Variants in C6orf141 observed in about 807,000 individuals in gnomAD.
The protein encoded by C6orf141 is chromosome 6 open reading frame 141.
For synonymous variants in C6orf141, 164 were observed against 140.5 expected, an observed-to-expected ratio of 1.17 and a Z score of -1.18; for missense variants, 361 against 335.8, an observed-to-expected ratio of 1.07 and a Z score of -0.59.
chr6:49,552,462 T>C (rs1335724796), downstream of C6orf141: 5 of 152,204 alleles, frequency 3.3e-5, no homozygotes, highest in African/African-American at 1.2e-4. Flanking sequence ...ATTAACTCTT[T>C]AGTAGTTGGC....
intron 4 of C6orf141, among the ~76,000 whole-genome samples, chr6:49,559,171 T>TG: frequency 6.2e-3 from 1 of 162 alleles, no homozygotes; most frequent in South Asian, 0.12. Flanking sequence ...TGTCCATATA[T>TG]ATATATATAT....
chr6:49,558,224 A>C (rs1292993705), intron 4 of C6orf141, among the ~76,000 whole-genome samples: 1 of 151,888 alleles, frequency 6.6e-6, no homozygotes, highest in Non-Finnish European at 1.5e-5. Flanking sequence ...AGTCTTGAAT[A>C]AAGTTTTCCT....
chr6:49,551,171 G>A lies in C6orf141; in HGVS notation c.379G>A (p.Glu127Lys), dbSNP rs1354791308. Residue 127 changes from glutamate (E) to lysine (K), a missense_variant, in exon 1 of 1, where the codon GAG (glutamate) becomes AAG (lysine). Glu to Lys is a moderately conservative substitution (Grantham distance 56). Transcript: ENST00000529246. ...TGCGGGTGGAGAGGACCACGGCGAG[G>A]AGCCCAACTACCCTTCTGTCTTTCA... ...PHAGGEDHGE[E>K]PNYPSVFQRQ... 1.3e-6 allele frequency: 2 copies of A among 1,551,606 alleles called. No individual in the cohort carries two copies. The highest frequency in any genetic ancestry group is 1.7e-6 in the Non-Finnish European group (2 of 1,146,948).
chr6:49,555,114 T>C (rs747500100), downstream of C6orf141: 6 of 152,246 alleles, frequency 3.9e-5, no homozygotes, highest in Admixed American at 6.5e-5. Flanking sequence ...GCCACTCCAG[T>C]GACCATAAGA....
chr6:49,556,522 C>G (rs1448500883), downstream of C6orf141, among the ~76,000 whole-genome samples: 1 of 152,030 alleles, frequency 6.6e-6, no homozygotes, highest in Non-Finnish European at 1.5e-5. Flanking sequence ...ATTTTGTTGT[C>G]TAGGAATATG....
In C6orf141 at chr6:49,551,697, T is replaced by C; in HGVS notation, c.*170T>C. On this transcript the variant is annotated 3_prime_UTR_variant, in exon 1 of 1. Coordinates refer to ENST00000529246, the MANE Select transcript of C6orf141 (RefSeq NM_001145652.2). ...AACTGTAAGCAGCATAATACCTCCT[T>C]TGTGGCTTGAATTCCTTCGCTGTCT... 2.8e-6 allele frequency: 4 copies of C among 1,440,284 alleles called. No individual in the cohort carries two copies. The highest frequency in any genetic ancestry group is 1.4e-5 in the African/African-American group (1 of 69,620). 89.2% of individuals were successfully genotyped at this position (1,440,284 alleles called of 1,614,324 possible).
intron 4 of C6orf141, chr6:49,561,616 TAA>T (rs1338506418): frequency 2.6e-5 from 4 of 152,256 alleles, no homozygotes; most frequent in Admixed American, 6.5e-5. Flanking sequence ...TTATTTTTGA[TAA>T]GTGTTAATTT....
chr6:49,551,382 G>A lies in C6orf141; in HGVS notation c.590G>A (p.Ser197Asn). 1 of 1,551,710 alleles carries A rather than the reference G, an allele frequency of 6.4e-7. No individual in the cohort carries two copies. The highest frequency in any genetic ancestry group is 8.7e-7 in the Non-Finnish European group (1 of 1,146,998). The change falls in exon 1 of 1, where the codon AGC becomes AAC. Residue 197 changes from serine (S) to asparagine (N), a missense_variant. By Grantham distance (46) the Ser-to-Asn change is conservative. Coordinates refer to ENST00000529246, the MANE Select transcript of C6orf141 (RefSeq NM_001145652.2). ...EHFVTALTFR[S>N]SREGQPGERW... ...TTCGTGACCGCGCTCACTTTTCGCA[G>A]CAGTAGAGAGGGACAGCCTGGGGAA... is the stretch of plus-strand genomic sequence containing the variant.
At chr6:49,555,685 T>C (rs534544137), downstream of C6orf141, among the ~76,000 whole-genome samples, 1 of 152,278 alleles carries the variant, frequency 6.6e-6, no homozygotes, top group African/African-American at 2.4e-5. Flanking sequence ...ATTTTTTGTA[T>C]TTTTAGGAGA....
chr6:49,559,164 CCATATATATATATATATATATATA>C (rs1772727054), intron 4 of C6orf141, among the ~76,000 whole-genome samples: 1 of 57,094 alleles, frequency 1.8e-5, no homozygotes, highest in Non-Finnish European at 3.3e-5. Flanking sequence ...TGGTCATTGT[CCATATATATATATATATATATATA>C]TATATATATA....
chr6:49,551,445 G>T lies in C6orf141; in HGVS notation c.653G>T (p.Arg218Leu), dbSNP rs376598045. ...GPAESRALQARTGASRVHAAG... is the reference protein window; with the variant it reads ...GPAESRALQALTGASRVHAAG... ...GCTGAATCCCGGGCTCTCCAGGCAC[G>T]AACAGGGGCATCCCGCGTCCACGCC... The change falls in exon 1 of 1, where the codon CGA (arginine) becomes CTA (leucine). Residue 218 changes from arginine (R) to leucine (L), a missense_variant. By Grantham distance (102) the Arg-to-Leu change is moderately radical. Transcript: ENST00000529246. 1.1e-4 allele frequency: 177 copies of T among 1,551,450 alleles called. No homozygotes were observed. The highest frequency in any genetic ancestry group is 1.2e-4 in the Non-Finnish European group (143 of 1,146,974).
chr6:49,558,653 A>G (rs543107995), intron 4 of C6orf141, among the ~76,000 whole-genome samples: 5 of 152,124 alleles, frequency 3.3e-5, no homozygotes, highest in African/African-American at 1.2e-4. Flanking sequence ...ATTAACTATT[A>G]TTATTATAAT....
At position 49,551,276 on chromosome 6, in the gene C6orf141, G is replaced by A. The variant is rs376477208; in HGVS notation, c.484G>A (p.Val162Met). The change falls in exon 1 of 1, where the codon GTG (valine) becomes ATG (methionine). Residue 162 changes from valine (V) to methionine (M), a missense_variant. Transcript: ENST00000529246. ...ADPPKYVLVRVEDYQVTQEVL... is the reference protein window; with the variant it reads ...ADPPKYVLVRMEDYQVTQEVL... Reference sequence around the variant, plus strand: ...CCCACCCAAATACGTGCTTGTGCGGGTGGAGGATTATCAGGTAACACAAGA... The same window carrying A: ...CCCACCCAAATACGTGCTTGTGCGGATGGAGGATTATCAGGTAACACAAGA... 173 of 1,551,612 alleles carry A rather than the reference G, an allele frequency of 1.1e-4. No homozygotes were observed. The highest frequency in any genetic ancestry group is 1.5e-4 in the Non-Finnish European group (168 of 1,147,010).
chr6:49,555,238 A>T (rs1476826341), downstream of C6orf141: 1 of 152,166 alleles, frequency 6.6e-6, no homozygotes, highest in African/African-American at 2.4e-5. Context: ...CTTACTGCTT[A>T]TTTTTGTTGG....
exon 1 of C6orf141, chr6:49,551,412 G>A (rs749336822): frequency 6.4e-7 from 1 of 1,551,636 alleles, no homozygotes; most frequent in South Asian, 1.2e-5. Context: ...GGGGAACGCT[G>A]GGGCCCTGCT....
intron 4 of C6orf141, among the ~76,000 whole-genome samples, chr6:49,559,109 C>A (rs1481646407): frequency 1.4e-5 from 2 of 144,506 alleles, no homozygotes; most frequent in East Asian, 4.1e-4. Context: ...GTGGTTTTTA[C>A]TAAGACTCTT....
chr6:49,558,059 G>GTTTTTT (rs71002664), intron 4 of C6orf141, among the ~76,000 whole-genome samples: 49 of 97,734 alleles, frequency 5.0e-4, no homozygotes, highest in Admixed American at 9.1e-4. Context: ...ACTCAAATAT[G>GTTTTTT]TTTTTTTTTT....
rs1770300018 is a variant in C6orf141, at chr6:49,550,925, G to C, written c.133G>C (p.Gly45Arg). 1 of 1,543,184 alleles carries C rather than the reference G, an allele frequency of 6.5e-7. No homozygotes were observed. The highest frequency in any genetic ancestry group is 1.4e-5 in the African/African-American group (1 of 72,592). Residue 45 changes from glycine (G) to arginine (R), a missense_variant, in exon 1 of 1, where the codon GGC (glycine) becomes CGC (arginine). By Grantham distance (125) the Gly-to-Arg change is moderately radical (BLOSUM62 -2). Transcript: ENST00000529246. ...AGGGCGCGGGGCTCCGCTAGCTCCG[G>C]GCGCCCGGAATCCCGCGACGGCAGG... ...EVGRGAPLAP[G>R]ARNPATAGAS...
rs1212934514 is a variant in C6orf141 at position 49,550,984 on chromosome 6, C to T, written c.192C>T (p.Asp64=). 5 of 1,550,980 alleles carry T rather than the reference C, an allele frequency of 3.2e-6. No homozygotes were observed. In the East Asian group the frequency reaches 9.8e-5, roughly 30 times the overall value. Residue 64 remains aspartate (D), a synonymous_variant, in exon 1 of 1, where the codon GAC becomes GAT. Coordinates refer to ENST00000529246, the MANE Select transcript of C6orf141 (RefSeq NM_001145652.2). Reference sequence around the variant, plus strand: ...GAAGCCAGGGCGGCGGCCACGAGGACAGAACGGCAGATCGGGCCCTCGGAC... The same window carrying T: ...GAAGCCAGGGCGGCGGCCACGAGGATAGAACGGCAGATCGGGCCCTCGGAC... ...ASRSQGGGHE[D]RTADRALGPR...
Sources: allele counts gnomAD v4.1 joint callset (sites outside exome capture counted in the v4.1 genomes callset), GRCh38; gene constraint gnomAD v4.1.1; transcripts MANE v1.5; gene names NCBI Gene and HGNC (gene_info 2026-07-23, HGNC 2026-07-21).